The following CTNNA2 variants were observed in gnomAD, a reference collection of about 807,000 sequenced individuals.
CTNNA2 encodes catenin alpha-2.
CTNNA2 carries 42 observed loss-of-function variants against 101.0 expected under a neutral mutation model. The ratio of observed to expected loss-of-function variants is 0.42; its 90% confidence interval spans 0.32 to 0.54. CTNNA2 has a LOEUF of 0.54. Ranked by LOEUF, CTNNA2 falls within the 20% of genes least tolerant of loss-of-function variation. CTNNA2 has a pLI of 0.14. For synonymous variants in CTNNA2, 450 were observed against 456.4 expected, an observed-to-expected ratio of 0.99 and a Z score of 0.18; for missense variants, 871 against 1,223.1, an observed-to-expected ratio of 0.71 and a Z score of 4.29.
chr2:79,787,329 A>G (rs1194392539), intron 3 of CTNNA2, among the ~76,000 whole-genome samples: 1 of 152,140 alleles, frequency 6.6e-6, no homozygotes. Context: ...TTAAAGTGCT[A>G]TACAATTAGG....
At chr2:80,515,165 TCCC>T (rs776545426) in intron 9 of CTNNA2, among the ~76,000 whole-genome samples, 5 of 148,676 alleles carry the variant, frequency 3.4e-5, no homozygotes, top group African/African-American at 1.2e-4. Flanking sequence ...TTTTTTTTTT[TCCC>T]CCTTGGAAAC....
intron 7 of CTNNA2, among the ~76,000 whole-genome samples, chr2:80,310,866 G>A (rs1677500214): frequency 6.6e-6 from 1 of 151,780 alleles, no homozygotes; most frequent in East Asian, 1.9e-4. Context: ...CCAGCTACTT[G>A]GGAAGCTGAG....
chr2:79,484,078 A>T (rs1037457331), intron 4 of CTNNA2, among the ~76,000 whole-genome samples: 1 of 152,044 alleles, frequency 6.6e-6, no homozygotes, highest in African/African-American at 2.4e-5. Flanking sequence ...CCCTATCTCT[A>T]TAAAAAATAC....
intron 12 of CTNNA2, among the ~76,000 whole-genome samples, chr2:80,563,951 T>C (rs1693833738): frequency 1.3e-5 from 2 of 152,176 alleles, no homozygotes; most frequent in Admixed American, 1.3e-4. Flanking sequence ...ATGTATTGAC[T>C]TTTTGCATGT....
chr2:80,213,786 G>A (rs1708067859), intron 7 of CTNNA2, among the ~76,000 whole-genome samples: 1 of 152,088 alleles, frequency 6.6e-6, no homozygotes, highest in Non-Finnish European at 1.5e-5. Context: ...TTTCTGTCTT[G>A]TTGATCTGTC....
chr2:79,869,680 T>C (rs2104021310), intron 4 of CTNNA2, 136 bp from the exon 5 acceptor site: 1 of 1,098,076 alleles, frequency 9.1e-7, no homozygotes, highest in Non-Finnish European at 1.3e-6. Flanking sequence ...TTAGAGGAAC[T>C]CTTCTCCTAT....
chr2:80,051,277 C>T (rs1025155254), intron 7 of CTNNA2, among the ~76,000 whole-genome samples: 1 of 152,132 alleles, frequency 6.6e-6, no homozygotes. Flanking sequence ...GGATGGAACT[C>T]TTACGTCATT....
chr2:80,055,025 T>G (rs1697128014), intron 7 of CTNNA2, among the ~76,000 whole-genome samples: 1 of 152,086 alleles, frequency 6.6e-6, no homozygotes. Flanking sequence ...CTTTTGACAT[T>G]TCTTTTGTTG....
chr2:79,815,813 G>A (rs1677446093), intron 3 of CTNNA2, among the ~76,000 whole-genome samples: 1 of 151,792 alleles, frequency 6.6e-6, no homozygotes. Context: ...GTGGTATTTT[G>A]ATGGGAATTG....
chr2:79,208,793 A>C (rs1674133055), intron 2 of CTNNA2, among the ~76,000 whole-genome samples: 1 of 152,202 alleles, frequency 6.6e-6, no homozygotes, highest in Admixed American at 6.5e-5. Flanking sequence ...GTGACTATAA[A>C]TTAATTAAAA....
At chr2:80,481,009 C>T (rs1686102192) in intron 9 of CTNNA2, among the ~76,000 whole-genome samples, 1 of 152,126 alleles carries the variant, frequency 6.6e-6, no homozygotes, top group South Asian at 2.1e-4. Flanking sequence ...TGAGCCACTT[C>T]TGAGTTTTGC....
chr2:80,596,142 A>G (rs1271971680), intron 15 of CTNNA2, among the ~76,000 whole-genome samples: 2 of 151,874 alleles, frequency 1.3e-5, no homozygotes, highest in Non-Finnish European at 2.9e-5. Context: ...ATGGAAGTTC[A>G]CTCATGATTT....
In CTNNA2 at chr2:80,634,841, A is replaced by G. The variant is rs560717885; in HGVS notation, c.2575-12744A>G. On this transcript the variant is annotated intron_variant, in intron 18 of 18. Transcript: ENST00000402739. ...TTGAGTTGGAGAAAACAGGTATAGC[A>G]TAAGATTCTGGGTGTTTAACCAAAG... Among the ~76,000 whole-genome samples the G allele has an allele frequency of 6.6e-5, 10 of 152,292 alleles. No individual in the cohort carries two copies. The South Asian group carries it at 2.1e-3, about 32-fold the overall frequency.
At chr2:80,026,393 G>A (rs1054903283) in intron 7 of CTNNA2, among the ~76,000 whole-genome samples, 2 of 152,174 alleles carry the variant, frequency 1.3e-5, no homozygotes, top group Non-Finnish European at 2.9e-5. Flanking sequence ...CAGGCAGGGT[G>A]AAATAAAATC....
chr2:80,041,999 C>G (rs888306184), intron 7 of CTNNA2, among the ~76,000 whole-genome samples: 3 of 152,150 alleles, frequency 2.0e-5, no homozygotes, highest in African/African-American at 7.2e-5. Context: ...GAGCCTTGCT[C>G]TATTGCCCAG....
intron 9 of CTNNA2, among the ~76,000 whole-genome samples, chr2:80,507,208 A>T (rs1310250780): frequency 6.6e-6 from 1 of 152,188 alleles, no homozygotes; most frequent in African/African-American, 2.4e-5. Flanking sequence ...AGTACGAATT[A>T]AATGTGGAAA....
chr2:79,429,428 G>A (rs1402490947), intron 4 of CTNNA2, among the ~76,000 whole-genome samples: 5 of 152,090 alleles, frequency 3.3e-5, no homozygotes, highest in Non-Finnish European at 5.9e-5. Context: ...AGTCAGCTCA[G>A]TGCTGATATG....
chr2:79,607,944 CA>C (rs897312426), intron 1 of CTNNA2, among the ~76,000 whole-genome samples: 6 of 151,122 alleles, frequency 4.0e-5, no homozygotes, highest in African/African-American at 1.5e-4. Flanking sequence ...AAAAGAAAAA[CA>C]GCAGAGAAAA....
At chr2:79,957,988 C>G (rs972842177) in intron 7 of CTNNA2, among the ~76,000 whole-genome samples, 7 of 152,312 alleles carry the variant, frequency 4.6e-5, no homozygotes, top group African/African-American at 1.7e-4. Flanking sequence ...GCCTTCTGTT[C>G]TTTGAGCTAA....
Sources: allele counts gnomAD v4.1 joint callset (sites outside exome capture counted in the v4.1 genomes callset), GRCh38; gene constraint gnomAD v4.1.1; transcripts MANE v1.5; gene names NCBI Gene and HGNC (gene_info 2026-07-23, HGNC 2026-07-21).